The following LRBA variants were observed in gnomAD, a reference collection of about 807,000 sequenced individuals.
The protein encoded by LRBA is lipopolysaccharide-responsive and beige-like anchor protein.
Under a neutral mutation model 330.0 loss-of-function variants are expected in LRBA, and 176 were observed. That is an observed-to-expected ratio of 0.53 (90% CI 0.47 to 0.60). LRBA has a LOEUF of 0.60. Among genes scored for constraint, LRBA ranks in the 20% least tolerant of loss-of-function variants. The probability of loss-of-function intolerance (pLI) is 0.00; values close to 1 mark genes in which losing one functional copy is unlikely to be tolerated. For missense variants in LRBA, 3,259 were observed against 3,444.8 expected (o/e 0.95, Z 1.35); for synonymous variants, 1,230 against 1,193.0 (o/e 1.03, Z -0.64).
At chr4:150,272,299 C>A (rs1261097886) in intron 56 of LRBA, among the ~76,000 whole-genome samples, 2 of 152,076 alleles carry the variant, frequency 1.3e-5, no homozygotes, top group African/African-American at 2.4e-5. Context: ...TGTCTAGACA[C>A]AGAAAACCCA....
intron 4 of LRBA, 127 bp downstream of exon 4, chr4:150,928,389 C>T (rs1579231185): frequency 6.5e-6 from 4 of 616,716 alleles, no homozygotes; most frequent in Non-Finnish European, 1.1e-5. Flanking sequence ...GATCTCAATG[C>T]TATTTTAATT....
chr4:150,980,092 T>G (rs1337592617), intron 2 of LRBA, among the ~76,000 whole-genome samples: 2 of 152,122 alleles, frequency 1.3e-5, no homozygotes, highest in African/African-American at 4.8e-5. Flanking sequence ...AATAGCAAGC[T>G]GAATTTAACA....
intron 40 of LRBA, among the ~76,000 whole-genome samples, chr4:150,553,949 G>A (rs909570350): frequency 1.3e-5 from 2 of 152,128 alleles, no homozygotes; most frequent in African/African-American, 4.8e-5. Context: ...TCAGTTCATT[G>A]GTGAAGCTGC....
chr4:150,495,396 TGA>T (rs1759472704), intron 40 of LRBA, among the ~76,000 whole-genome samples: 1 of 152,042 alleles, frequency 6.6e-6, no homozygotes, highest in South Asian at 2.1e-4. Context: ...AAAAACAGCA[TGA>T]GAGAAAATTA....
At chr4:150,764,796 A>G (rs1267450545) in intron 34 of LRBA, among the ~76,000 whole-genome samples, 1 of 152,078 alleles carries the variant, frequency 6.6e-6, no homozygotes, top group Non-Finnish European at 1.5e-5. Flanking sequence ...ACAAGAATAA[A>G]TGAAATCTCA....
intron 40 of LRBA, among the ~76,000 whole-genome samples, chr4:150,561,473 T>C (rs928134794): frequency 2.0e-5 from 3 of 152,210 alleles, no homozygotes; most frequent in African/African-American, 7.2e-5. Flanking sequence ...CTGGATTATC[T>C]GGGTGAGTCC....
chr4:150,683,155 T>TAAAAAAGTTTCAAATAACTA (rs1783199861), intron 37 of LRBA, among the ~76,000 whole-genome samples: 1 of 152,124 alleles, frequency 6.6e-6, no homozygotes, highest in Non-Finnish European at 1.5e-5. Flanking sequence ...CTAAAAAATA[T>TAAAAAAGTTTCAAATAACTA]AAAAAGAGCA....
Position 150,871,453 on chromosome 4 carries a change from C to A in LRBA, c.2259G>T (p.Lys753Asn). ...GTCCAAGCATGACTTCTGCTTTCCTCCTGCAATTACACAAAAAGAAATCAT... is the reference window on the plus strand; with the variant it reads ...GTCCAAGCATGACTTCTGCTTTCCTACTGCAATTACACAAAAAGAAATCAT... Reference protein sequence around the residue: ...MGYFLKHLAPKRKAEVMLGHG... With the variant: ...MGYFLKHLAPNRKAEVMLGHG... The change falls in exon 19 of 57, where the codon AAG (lysine) becomes AAT (asparagine). Residue 753 changes from lysine to asparagine, a missense_variant and splice_region_variant. Transcript: ENST00000651943. 6.4e-7 allele frequency: 1 copy of A among 1,570,432 alleles called. No individual in the cohort carries two copies. The highest frequency in any genetic ancestry group is 1.1e-5 in the South Asian group (1 of 89,930).
chr4:150,411,674 A>G (rs1227740328), intron 47 of LRBA, among the ~76,000 whole-genome samples: 3 of 152,170 alleles, frequency 2.0e-5, no homozygotes, highest in African/African-American at 4.8e-5. Flanking sequence ...ATCGTCTGTA[A>G]TAATCTGGAA....
intron 46 of LRBA, among the ~76,000 whole-genome samples, chr4:150,434,580 G>A (rs1750851579): frequency 6.6e-6 from 1 of 152,196 alleles, no homozygotes; most frequent in South Asian, 2.1e-4. Context: ...TTCCAGCCAG[G>A]CACAATGGCT....
chr4:150,918,202 T>A (rs1002646552), intron 5 of LRBA, among the ~76,000 whole-genome samples: 11 of 152,172 alleles, frequency 7.2e-5, no homozygotes, highest in African/African-American at 2.7e-4. Context: ...AGTAAACATC[T>A]GCAAACTGAA....
chr4:150,493,480 C>T (rs569630372), intron 40 of LRBA, among the ~76,000 whole-genome samples: 12 of 152,214 alleles, frequency 7.9e-5, no homozygotes, highest in South Asian at 4.2e-4. Flanking sequence ...ATATTTGATC[C>T]GCATGATATT....
intron 47 of LRBA, among the ~76,000 whole-genome samples, chr4:150,371,538 T>C (rs902403199): frequency 6.6e-6 from 1 of 152,050 alleles, no homozygotes; most frequent in Admixed American, 6.6e-5. Context: ...ATGTTCAGGG[T>C]ACTCTGGCTG....
intron 17 of LRBA, among the ~76,000 whole-genome samples, chr4:150,877,214 C>T (rs1754141280): frequency 6.7e-6 from 1 of 149,272 alleles, no homozygotes; most frequent in African/African-American, 2.5e-5. Context: ...GCAGAGATCG[C>T]GCCACTGCAC....
chr4:150,772,706 C>T (rs1012790602), intron 34 of LRBA, among the ~76,000 whole-genome samples: 6 of 152,066 alleles, frequency 3.9e-5, no homozygotes, highest in African/African-American at 1.2e-4. Context: ...CCTAAAGGGG[C>T]CCGTCAAAGG....
chr4:150,360,587 T>C (rs551716547), intron 47 of LRBA, among the ~76,000 whole-genome samples: 1 of 152,188 alleles, frequency 6.6e-6, no homozygotes, highest in Non-Finnish European at 1.5e-5. Context: ...CAGATTTTGA[T>C]ACAAGACAGA....
At chr4:150,586,029 A>G (rs947240117) in intron 40 of LRBA, among the ~76,000 whole-genome samples, 3 of 152,178 alleles carry the variant, frequency 2.0e-5, no homozygotes, top group Non-Finnish European at 4.4e-5. Context: ...AACCTCTATT[A>G]TATCTATTTT....
chr4:150,743,022 C>A (rs1255368689), intron 35 of LRBA, among the ~76,000 whole-genome samples: 1 of 152,178 alleles, frequency 6.6e-6, no homozygotes, highest in Non-Finnish European at 1.5e-5. Flanking sequence ...GGCTAGAGTA[C>A]AGTGACAGGA....
intron 22 of LRBA, among the ~76,000 whole-genome samples, chr4:150,864,801 C>T (rs1251559145): frequency 6.6e-6 from 1 of 151,976 alleles, no homozygotes; most frequent in Non-Finnish European, 1.5e-5. Context: ...CATGCACCAC[C>T]GTGCCCAGCT....
Sources: allele counts gnomAD v4.1 joint callset (sites outside exome capture counted in the v4.1 genomes callset), GRCh38; gene constraint gnomAD v4.1.1; transcripts MANE v1.5; gene names NCBI Gene and HGNC (gene_info 2026-07-23, HGNC 2026-07-21).